Variants in STX8 observed in about 807,000 individuals in gnomAD.
STX8 encodes syntaxin 8, also known as syntaxin-8.
Under a neutral mutation model 37.5 loss-of-function variants are expected in STX8, and 23 were observed. The observed-to-expected ratio is 0.61, with a 90% CI of 0.44 to 0.87. STX8 has a LOEUF of 0.87. Ranked by LOEUF, STX8 falls within the 40% of genes least tolerant of loss-of-function variation. The pLI, the probability that STX8 is intolerant of heterozygous loss-of-function variation, is 0.00. For missense variants in STX8, 313 were observed against 284.7 expected (o/e 1.10, Z -0.71); for synonymous variants, 115 against 99.1 (o/e 1.16, Z -0.95).
At chr17:9,529,957 C>T (rs1048218552) in intron 4 of STX8, among the ~76,000 whole-genome samples, 2 of 152,136 alleles carry the variant, frequency 1.3e-5, no homozygotes, top group Non-Finnish European at 2.9e-5. Context: ...AGCCACTCTA[C>T]TCCAGCCTGG....
chr17:9,250,688 C>T (rs1466582113), intron 7 of STX8, 43 bp from the exon 8 acceptor site: 1 of 1,539,320 alleles, frequency 6.5e-7, no homozygotes, highest in Non-Finnish European at 8.8e-7. Context: ...ATGATTCCTA[C>T]CAGAAAAGCA....
In STX8 at chr17:9,315,118, C is replaced by A. The variant is rs867283804; in HGVS notation, c.643+63434G>T. 3.2e-3 allele frequency among the ~76,000 whole-genome samples: 456 copies of A among 141,632 alleles called. 6 individuals carry two copies. Among genetic ancestry groups the A allele is most frequent in the African/African-American group, 0.011 (423 of 38,542 alleles). The allele number at this position is 141,632 out of a possible 152,430, so 92.9% of individuals were successfully genotyped here. A position where few individuals can be genotyped will look rare whatever the true frequency, so the allele number is the denominator to read the frequency against. ...TCTGTCTCAAAAAAAAAAAAAAAAC[C>A]AACAACAACAACAATAGTAACAAAA... On this transcript the variant is annotated intron_variant, in intron 7 of 7. Coordinates refer to ENST00000306357, the MANE Select transcript of STX8 (RefSeq NM_004853.3).
intron 6 of STX8, among the ~76,000 whole-genome samples, chr17:9,438,167 C>T (rs1290353587): frequency 6.9e-6 from 1 of 145,920 alleles, no homozygotes; most frequent in Non-Finnish European, 1.5e-5. Flanking sequence ...TGCTTGAACC[C>T]GGGAGGCGGA....
rs1223503556 is a variant in STX8 at position 9,274,689 on chromosome 17, A to ATAATAAT, written c.644-24051_644-24045dup. On this transcript the variant is annotated intron_variant, in intron 7 of 7. Transcript: ENST00000306357. Reference sequence around the variant, plus strand: ...AGACTCTGTCTCAAAAATAATAATAATAATAATAATAATAATAATAATAAT... The same window carrying ATAATAAT: ...AGACTCTGTCTCAAAAATAATAATAATAATAATTAATAATAATAATAATAATAATAAT... 4.5e-4 allele frequency among the ~76,000 whole-genome samples: 57 copies of ATAATAAT among 126,962 alleles called. 1 individual carries two copies. The East Asian group carries it at 0.013, about 28-fold the overall frequency. 83.3% of individuals were successfully genotyped at this position (126,962 alleles called of 152,430 possible). A position where few individuals can be genotyped will look rare whatever the true frequency, so the allele number is the denominator to read the frequency against.
At position 9,366,442 on chromosome 17, in the gene STX8, G is replaced by A. The variant is rs1220197755; in HGVS notation, c.643+12110C>T. Among the ~76,000 whole-genome samples, 3 of 152,168 alleles carry A rather than the reference G, an allele frequency of 2.0e-5. No individual in the cohort carries two copies. In the East Asian group the frequency reaches 5.8e-4, roughly 29 times the overall value. ...AGATGGGGTTTCACAATGTTGGCCAGGCTGGTCTTGAACTCCTGACCTCGT... is the reference window on the plus strand; with the variant it reads ...AGATGGGGTTTCACAATGTTGGCCAAGCTGGTCTTGAACTCCTGACCTCGT... On this transcript the variant is annotated intron_variant, in intron 7 of 7. Coordinates refer to ENST00000306357, the MANE Select transcript of STX8 (RefSeq NM_004853.3).
At chr17:9,438,258 A>AG (rs1567560899) in intron 6 of STX8, among the ~76,000 whole-genome samples, 1 of 150,360 alleles carries the variant, frequency 6.7e-6, no homozygotes, top group Admixed American at 6.7e-5. Flanking sequence ...AAAAAAAAAA[A>AG]AGGCCATTTC....
intron 6 of STX8, among the ~76,000 whole-genome samples, chr17:9,393,591 T>C (rs958829146): frequency 6.6e-6 from 1 of 152,192 alleles, no homozygotes; most frequent in Non-Finnish European, 1.5e-5. Flanking sequence ...ATACACTCCA[T>C]GTGAAAAGAT....
At chr17:9,321,586 C>A (rs1056002365) in intron 7 of STX8, among the ~76,000 whole-genome samples, 2 of 152,056 alleles carry the variant, frequency 1.3e-5, no homozygotes, top group African/African-American at 4.8e-5. Context: ...CTGGCGCAAT[C>A]CCAGCTCACT....
intron 7 of STX8, among the ~76,000 whole-genome samples, chr17:9,325,062 G>C (rs1597605218): frequency 6.6e-6 from 1 of 152,310 alleles, no homozygotes; most frequent in East Asian, 1.9e-4. Context: ...TAAACAACCA[G>C]TATTGTACTC....
intron 6 of STX8, among the ~76,000 whole-genome samples, chr17:9,483,100 T>C (rs137989554): frequency 2.8e-3 from 419 of 152,186 alleles, no homozygotes; most frequent in Middle Eastern, 0.01. Context: ...ACACACTGAG[T>C]AGCCTGGAAC....
At chr17:9,390,029 G>A (rs781554920) in intron 6 of STX8, among the ~76,000 whole-genome samples, 1 of 152,178 alleles carries the variant, frequency 6.6e-6, no homozygotes, top group Admixed American at 6.5e-5. Flanking sequence ...AGGAACTCCC[G>A]CAGATCAAAG....
At chr17:9,434,651 TG>T (rs1904359977) in intron 6 of STX8, among the ~76,000 whole-genome samples, 1 of 152,224 alleles carries the variant, frequency 6.6e-6, no homozygotes, top group South Asian at 2.1e-4. Flanking sequence ...GGAGGGTTCT[TG>T]GCTTCACCCA....
At chr17:9,335,734 T>G (rs1471884225) in intron 7 of STX8, among the ~76,000 whole-genome samples, 2 of 152,120 alleles carry the variant, frequency 1.3e-5, no homozygotes, top group Admixed American at 1.3e-4. Context: ...ATGAGCTAGA[T>G]CTTTACCTCA....
At chr17:9,559,336 AT>A (rs756328457) in intron 2 of STX8, among the ~76,000 whole-genome samples, 64 of 152,302 alleles carry the variant, frequency 4.2e-4, no homozygotes, top group African/African-American at 1.5e-3. Context: ...TTTTCAAAAA[AT>A]ATTAGCAAAG....
At chr17:9,342,820 A>G (rs1910408419) in intron 7 of STX8, among the ~76,000 whole-genome samples, 1 of 152,090 alleles carries the variant, frequency 6.6e-6, no homozygotes, top group Admixed American at 6.6e-5. Flanking sequence ...CAGGAGTTCA[A>G]GACTAGCCTG....
chr17:9,511,126 C>A (rs537079209), intron 4 of STX8, among the ~76,000 whole-genome samples: 167 of 152,094 alleles, frequency 1.1e-3, no homozygotes, highest in African/African-American at 3.8e-3. Flanking sequence ...ATATAATCTG[C>A]CAACAAAGAA....
At chr17:9,343,389 G>A (rs1910438069) in intron 7 of STX8, among the ~76,000 whole-genome samples, 1 of 151,314 alleles carries the variant, frequency 6.6e-6, no homozygotes, top group African/African-American at 2.4e-5. Flanking sequence ...CCATGATGAA[G>A]CTACGTCTAT....
At chr17:9,497,132 A>G (rs1904434575) in intron 5 of STX8, among the ~76,000 whole-genome samples, 1 of 152,234 alleles carries the variant, frequency 6.6e-6, no homozygotes, top group Non-Finnish European at 1.5e-5. Context: ...ACTAAAGGGC[A>G]AATGCAGTTT....
chr17:9,483,604 G>A (rs1442338146), intron 6 of STX8, among the ~76,000 whole-genome samples: 2 of 152,110 alleles, frequency 1.3e-5, no homozygotes, highest in Non-Finnish European at 2.9e-5. Context: ...CCCTTACCAT[G>A]GTAAATCACT....
Sources: gnomAD v4.1 joint callset for allele counts (sites outside exome capture counted in the v4.1 genomes callset) on GRCh38, gnomAD v4.1.1 for gene constraint, MANE v1.5 for transcripts, NCBI Gene and HGNC (gene_info 2026-07-23, HGNC 2026-07-21) for gene names.